The following RCOR1 variants were observed in gnomAD, a reference collection of about 807,000 sequenced individuals.
RCOR1 encodes REST corepressor 1.
RCOR1 carries 12 observed loss-of-function variants against 64.0 expected under a neutral mutation model. The ratio of observed to expected loss-of-function variants is 0.19; its 90% CI spans 0.12 to 0.30. The LOEUF is 0.30. RCOR1 is among the 10% of genes least tolerant of loss of function. RCOR1 has a pLI of 1.00. For missense variants in RCOR1, 502 were observed against 621.2 expected (o/e 0.81, Z 2.04); for synonymous variants, 279 against 227.2 (o/e 1.23, Z -2.05).
At chr14:102,636,543 A>G (rs939202911) in intron 2 of RCOR1, among the ~76,000 whole-genome samples, 1 of 152,172 alleles carries the variant, frequency 6.6e-6, no homozygotes. Flanking sequence ...GGGCCTCCCA[A>G]AGTGCTGAGA....
intron 2 of RCOR1, among the ~76,000 whole-genome samples, chr14:102,672,530 C>CT (rs1372417016): frequency 6.6e-6 from 1 of 152,118 alleles, no homozygotes; most frequent in Non-Finnish European, 1.5e-5. Context: ...ATATGATAAT[C>CT]TTTTGAGGAA....
At chr14:102,603,835 T>A (rs1893451070) in intron 2 of RCOR1, among the ~76,000 whole-genome samples, 1 of 152,152 alleles carries the variant, frequency 6.6e-6, no homozygotes, top group Non-Finnish European at 1.5e-5. Flanking sequence ...TTTCCTAGGC[T>A]GTTTTGCTGT....
chr14:102,615,946 C>T (rs1893750451), intron 2 of RCOR1, among the ~76,000 whole-genome samples: 2 of 152,166 alleles, frequency 1.3e-5, no homozygotes, highest in South Asian at 4.1e-4. Context: ...GCTGGGCATC[C>T]TCTAATTGAA....
chr14:102,646,834 C>T (rs182748713), intron 2 of RCOR1, among the ~76,000 whole-genome samples: 57 of 152,190 alleles, frequency 3.7e-4, no homozygotes, highest in Admixed American at 2.2e-3. Flanking sequence ...CACACACGTG[C>T]GCTCACACAC....
intron 2 of RCOR1, among the ~76,000 whole-genome samples, chr14:102,615,362 G>A (rs747075450): frequency 2.0e-5 from 3 of 150,692 alleles, no homozygotes; most frequent in East Asian, 3.9e-4. Context: ...AGCTGGTCTC[G>A]AACCCCTGGG....
intron 3 of RCOR1, among the ~76,000 whole-genome samples, chr14:102,691,400 G>A (rs537821105): frequency 3.3e-5 from 5 of 152,188 alleles, no homozygotes; most frequent in South Asian, 2.1e-4. Context: ...TCAGCATCAC[G>A]CAGTGTGTCT....
At chr14:102,686,979 T>C (rs892916804) in intron 3 of RCOR1, among the ~76,000 whole-genome samples, 3 of 152,276 alleles carry the variant, frequency 2.0e-5, no homozygotes, top group African/African-American at 7.2e-5. Context: ...TGCCTGGACT[T>C]CATTCTTTTC....
chr14:102,712,944 ATTGTTT>A (rs1322541707), intron 7 of RCOR1, among the ~76,000 whole-genome samples: 3 of 118,932 alleles, frequency 2.5e-5, no homozygotes, highest in Non-Finnish European at 5.2e-5. Flanking sequence ...TGGCTAAATC[ATTGTTT>A]TTTTTTTTTT....
At chr14:102,596,721 C>T (rs536530835) in intron 2 of RCOR1, among the ~76,000 whole-genome samples, 46 of 150,976 alleles carry the variant, frequency 3.0e-4, no homozygotes, top group South Asian at 2.3e-3. Flanking sequence ...CCCACCACCA[C>T]GCCCAACTAA....
chr14:102,707,306 T>C, intron 4 of RCOR1, 45 bp from the exon 5 acceptor site: 1 of 1,491,928 alleles, frequency 6.7e-7, no homozygotes, highest in East Asian at 2.3e-5. Flanking sequence ...TCCATTTTCA[T>C]TGTTTTTTGT....
At chr14:102,600,768 C>T (rs1893377170) in intron 2 of RCOR1, among the ~76,000 whole-genome samples, 1 of 151,332 alleles carries the variant, frequency 6.6e-6, no homozygotes, top group South Asian at 2.1e-4. Context: ...GATGGGGTTT[C>T]ACCATGTTAG....
At chr14:102,608,971 G>T (rs948433910) in intron 2 of RCOR1, among the ~76,000 whole-genome samples, 2 of 150,864 alleles carry the variant, frequency 1.3e-5, no homozygotes, top group African/African-American at 4.9e-5. Context: ...CATCCTTTTA[G>T]GGGTATATAT....
At chr14:102,691,430 G>A (rs533919972) in intron 3 of RCOR1, among the ~76,000 whole-genome samples, 5 of 152,166 alleles carry the variant, frequency 3.3e-5, no homozygotes, top group East Asian at 1.9e-4. Context: ...ACCTGCACAC[G>A]TGCCCCCGAT....
intron 2 of RCOR1, among the ~76,000 whole-genome samples, chr14:102,625,106 C>G (rs561544221): frequency 6.6e-6 from 1 of 152,064 alleles, no homozygotes; most frequent in African/African-American, 2.4e-5. Flanking sequence ...AACTCCTCAC[C>G]TCAAGGGATC....
chr14:102,595,253 A>G (rs565791580), intron 2 of RCOR1, among the ~76,000 whole-genome samples: 4 of 152,202 alleles, frequency 2.6e-5, no homozygotes, highest in Non-Finnish European at 5.9e-5. Flanking sequence ...TGTAGTCCCA[A>G]CACTTGGGGA....
At chr14:102,715,536 C>T (rs1896053581) in intron 8 of RCOR1, among the ~76,000 whole-genome samples, 1 of 151,698 alleles carries the variant, frequency 6.6e-6, no homozygotes, top group South Asian at 2.1e-4. Flanking sequence ...CGCTTGTCAT[C>T]ACACCTGGCT....
intron 2 of RCOR1, among the ~76,000 whole-genome samples, chr14:102,678,479 T>C (rs926374599): frequency 2.0e-5 from 3 of 152,160 alleles, no homozygotes; most frequent in Non-Finnish European, 4.4e-5. Flanking sequence ...TTTGTATTTT[T>C]GTGGAGATGG....
intron 8 of RCOR1, among the ~76,000 whole-genome samples, chr14:102,719,952 C>T (rs999901553): frequency 3.3e-5 from 5 of 152,142 alleles, no homozygotes; most frequent in African/African-American, 1.2e-4. Flanking sequence ...TTGCAATTTT[C>T]CTGGGTTTTC....
intron 2 of RCOR1, among the ~76,000 whole-genome samples, chr14:102,634,095 TG>T (rs1341182755): frequency 2.0e-5 from 3 of 152,062 alleles, no homozygotes; most frequent in Non-Finnish European, 2.9e-5. Context: ...AAAAAGGATG[TG>T]GTTAGATGGA....
Sources: gnomAD v4.1 joint callset for allele counts (sites outside exome capture counted in the v4.1 genomes callset) on GRCh38, gnomAD v4.1.1 for gene constraint, MANE v1.5 for transcripts, NCBI Gene and HGNC (gene_info 2026-07-23, HGNC 2026-07-21) for gene names.